ST6GALNAC3: variants seen among roughly 807,000 people sequenced by gnomAD.
ST6GALNAC3 encodes the protein alpha-N-acetylgalactosaminide alpha-2,6-sialyltransferase 3.
In ST6GALNAC3, 25 loss-of-function variants were observed where a neutral mutation model predicts 32.7. The observed-to-expected ratio is 0.76, with a 90% confidence interval of 0.56 to 1.07. The LOEUF (loss-of-function observed/expected upper bound fraction) is 1.07. Among genes scored for constraint, ST6GALNAC3 ranks in the 50% least tolerant of loss-of-function variants. ST6GALNAC3 has a pLI of 0.00. For synonymous variants in ST6GALNAC3, 129 were observed against 133.1 expected, an observed-to-expected ratio of 0.97 and a Z score of 0.21; for missense variants, 355 against 382.4, an observed-to-expected ratio of 0.93 and a Z score of 0.60.
chr1:76,309,842 G>A (rs570788207), intron 1 of ST6GALNAC3: 28 of 419,910 alleles, frequency 6.7e-5, no homozygotes, highest in Non-Finnish European at 1.2e-4. Context: ...CACCCTCTCT[G>A]TGCTCATTAC....
intron 3 of ST6GALNAC3, among the ~76,000 whole-genome samples, chr1:76,521,745 A>G (rs1276645921): frequency 6.6e-6 from 1 of 152,086 alleles, no homozygotes; most frequent in African/African-American, 2.4e-5. Flanking sequence ...TGAGTGTACA[A>G]TGCTAGTTGA....
Position 76,249,515 on chromosome 1 carries a change from TC to T in ST6GALNAC3, c.19-64289del, listed in dbSNP as rs567202649. Among the ~76,000 whole-genome samples the T allele has an allele frequency of 6.6e-4, 100 of 152,274 alleles. 2 individuals carry two copies. In the South Asian group the frequency reaches 0.019, roughly 28 times the overall value. ...TATTCCATTCTATAAAGTTACCATA[TC>T]TTTTTTTTCTACTTATCAGTTATAG... On this transcript the variant is annotated intron_variant, in intron 1 of 4. Coordinates refer to ENST00000328299, the MANE Select transcript of ST6GALNAC3 (RefSeq NM_152996.4).
chr1:76,196,640 A>G (rs1654221506), intron 1 of ST6GALNAC3, among the ~76,000 whole-genome samples: 1 of 151,762 alleles, frequency 6.6e-6, no homozygotes, highest in Admixed American at 6.6e-5. Flanking sequence ...TAATTTTTGT[A>G]TTTTTAGTAG....
chr1:76,145,030 C>T (rs917567442), intron 1 of ST6GALNAC3, among the ~76,000 whole-genome samples: 46 of 152,300 alleles, frequency 3.0e-4, no homozygotes, highest in Admixed American at 9.1e-4. Context: ...ATCAGCCAGA[C>T]ATTTATAAAC....
At chr1:76,581,375 C>A (rs1646889611) in intron 3 of ST6GALNAC3, among the ~76,000 whole-genome samples, 1 of 152,034 alleles carries the variant, frequency 6.6e-6, no homozygotes, top group Non-Finnish European at 1.5e-5. Context: ...TAAGAGCCAC[C>A]CCAATTGGGA....
At chr1:76,526,007 T>C (rs1662890057) in intron 3 of ST6GALNAC3, among the ~76,000 whole-genome samples, 1 of 151,488 alleles carries the variant, frequency 6.6e-6, no homozygotes, top group Non-Finnish European at 1.5e-5. Flanking sequence ...ACTCAGTGGC[T>C]GTGCAATACA....
chr1:76,075,423 C>T (rs1646801740), intron 1 of ST6GALNAC3, among the ~76,000 whole-genome samples: 1 of 152,188 alleles, frequency 6.6e-6, no homozygotes, highest in Non-Finnish European at 1.5e-5. Context: ...TCTGTTTGCC[C>T]TTAGCTCTAC....
intron 2 of ST6GALNAC3, among the ~76,000 whole-genome samples, chr1:76,335,093 G>A (rs746425789): frequency 1.3e-5 from 2 of 152,144 alleles, no homozygotes; most frequent in Admixed American, 6.5e-5. Context: ...TGATGAATAC[G>A]TGAGTGGCAG....
chr1:76,155,530 C>T (rs538443115), intron 1 of ST6GALNAC3, among the ~76,000 whole-genome samples: 1 of 152,018 alleles, frequency 6.6e-6, no homozygotes, highest in Admixed American at 6.5e-5. Context: ...TGCGGTGGCG[C>T]AATCTCGGCT....
intron 3 of ST6GALNAC3, among the ~76,000 whole-genome samples, chr1:76,478,678 T>C (rs554448707): frequency 3.9e-5 from 6 of 152,076 alleles, no homozygotes; most frequent in Non-Finnish European, 8.8e-5. Flanking sequence ...TTTTCCAGTC[T>C]TGTGTTTTCA....
Position 76,520,527 on chromosome 1 carries a change from C to T in ST6GALNAC3, c.624-106925C>T, listed in dbSNP as rs561396438. Among the ~76,000 whole-genome samples the T allele has an allele frequency of 2.7e-4, 41 of 151,954 alleles. 1 individual carries two copies. Among genetic ancestry groups the T allele is most frequent in the Admixed American group, 3.9e-4 (6 of 15,222 alleles). On this transcript the variant is annotated intron_variant, in intron 3 of 4. Transcript: ENST00000328299. The stretch of plus-strand genomic sequence containing the variant: ...AATAATAAACATACTGGTCCAACCA[C>T]CCATAGTTTTCTACTTCTAGCCTTC...
chr1:76,320,399 G>A (rs9437421), intron 2 of ST6GALNAC3, among the ~76,000 whole-genome samples: 61,054 of 151,830 alleles, frequency 0.4, 14,292 homozygotes, highest in East Asian at 0.83. Context: ...CTTTTTGTTT[G>A]GCTGGTTATC....
At chr1:76,279,655 C>T (rs1659382806) in intron 1 of ST6GALNAC3, among the ~76,000 whole-genome samples, 1 of 152,170 alleles carries the variant, frequency 6.6e-6, no homozygotes, top group Admixed American at 6.5e-5. Context: ...TGTCTGCCGG[C>T]AGCTGCCGGA....
chr1:76,247,524 A>G (rs1570570962), intron 1 of ST6GALNAC3, among the ~76,000 whole-genome samples: 1 of 152,092 alleles, frequency 6.6e-6, no homozygotes, highest in East Asian at 1.9e-4. Flanking sequence ...TGTCTTGCCC[A>G]GTGAGGTGGA....
intron 1 of ST6GALNAC3, among the ~76,000 whole-genome samples, chr1:76,242,080 G>T (rs1355080024): frequency 6.6e-6 from 1 of 152,156 alleles, no homozygotes; most frequent in African/African-American, 2.4e-5. Flanking sequence ...GTACATAGAA[G>T]TCACTCAGCA....
intron 1 of ST6GALNAC3, among the ~76,000 whole-genome samples, chr1:76,112,410 G>A (rs1648074595): frequency 2.0e-5 from 3 of 146,814 alleles, no homozygotes; most frequent in Admixed American, 6.6e-5. Flanking sequence ...GCGGCTGGCC[G>A]GGCGGGGGGC....
intron 1 of ST6GALNAC3, among the ~76,000 whole-genome samples, chr1:76,260,228 T>A (rs1325075793): frequency 1.3e-5 from 2 of 152,122 alleles, no homozygotes; most frequent in African/African-American, 4.8e-5. Context: ...AGTTAGAAAA[T>A]GCTGAAATGG....
rs531786273 is a variant in ST6GALNAC3 at position 76,413,381 on chromosome 1, T to G, written c.623+964T>G. On this transcript the variant is annotated intron_variant, in intron 3 of 4. Coordinates refer to ENST00000328299, the MANE Select transcript of ST6GALNAC3 (RefSeq NM_152996.4). ...TTGCTTATTTGTGCAATATCATGGATAAATTGAGCATCTGCTATAGTTCCA... is the reference window on the plus strand; with the variant it reads ...TTGCTTATTTGTGCAATATCATGGAGAAATTGAGCATCTGCTATAGTTCCA... Among the ~76,000 whole-genome samples, 3 of 152,308 alleles carry G rather than the reference T, an allele frequency of 2.0e-5. No individual in the cohort carries two copies. In the South Asian group the frequency reaches 6.2e-4, roughly 32 times the overall value.
intron 3 of ST6GALNAC3, among the ~76,000 whole-genome samples, chr1:76,585,240 G>A (rs1185896343): frequency 6.6e-6 from 1 of 152,002 alleles, no homozygotes; most frequent in East Asian, 1.9e-4. Context: ...CAAAAAATCA[G>A]CCGGGCATGG....
Sources: gnomAD v4.1 joint callset for allele counts (sites outside exome capture counted in the v4.1 genomes callset) on GRCh38, gnomAD v4.1.1 for gene constraint, MANE v1.5 for transcripts, NCBI Gene and HGNC (gene_info 2026-07-23, HGNC 2026-07-21) for gene names.